Variants in TRAPPC9 observed in about 807,000 individuals in gnomAD.
The protein encoded by TRAPPC9 is IKK2 binding protein.
TRAPPC9 carries 83 observed loss-of-function variants against 124.0 expected under a neutral mutation model. The observed-to-expected ratio is 0.67, with a 90% CI of 0.56 to 0.80. TRAPPC9 has a LOEUF of 0.80. TRAPPC9 is among the 30% of genes least tolerant of loss of function. The probability of loss-of-function intolerance (pLI) is 0.00; values close to 1 mark genes in which losing one functional copy is unlikely to be tolerated. For synonymous variants in TRAPPC9, 638 were observed against 617.5 expected (o/e 1.03, Z -0.49); for missense variants, 1,302 against 1,508.3 (o/e 0.86, Z 2.27).
chr8:140,340,574 C>A (rs2067166275), intron 9 of TRAPPC9, among the ~76,000 whole-genome samples: 1 of 152,208 alleles, frequency 6.6e-6, no homozygotes, highest in African/African-American at 2.4e-5. Context: ...CTCCACCTAA[C>A]TAGGCACAAT....
Position 140,287,732 on chromosome 8 carries a change from C to T in TRAPPC9, c.1857G>A (p.Gly619=), listed in dbSNP as rs764879953. 5 of 1,614,156 alleles carry T rather than the reference C, an allele frequency of 3.1e-6. No individual in the cohort carries two copies. Among genetic ancestry groups the T allele is most frequent in the Non-Finnish European group, 4.2e-6 (5 of 1,180,034 alleles). The change falls in exon 13 of 23, where the codon GGG becomes GGA. Residue 619 remains glycine, a splice_region_variant and synonymous_variant. Transcript: ENST00000438773. ...CGAACTCCACTCCGCTGGTGAGCAG[C>T]CCCTAAACCAAGCGACGCAGCATCG... The part of the protein sequence containing the change: ...MPFELRVENM[G]LLTSGVEFES...
intron 21 of TRAPPC9, among the ~76,000 whole-genome samples, chr8:139,875,849 C>T (rs1486844966): frequency 1.3e-5 from 2 of 152,240 alleles, no homozygotes; most frequent in African/African-American, 4.8e-5. Flanking sequence ...TGGCCTGGAG[C>T]AGATGTTTGG....
chr8:139,766,312 G>T (rs1820582648), intron 21 of TRAPPC9, among the ~76,000 whole-genome samples: 1 of 152,184 alleles, frequency 6.6e-6, no homozygotes, highest in South Asian at 2.1e-4. Flanking sequence ...CCGTACTGGG[G>T]TCTGGCCATC....
intron 17 of TRAPPC9, among the ~76,000 whole-genome samples, chr8:140,046,075 AC>A (rs1427109945): frequency 5.3e-5 from 8 of 152,118 alleles, no homozygotes; most frequent in Admixed American, 4.6e-4. Flanking sequence ...ACAGCAAGCC[AC>A]CCTTCTCCCT....
intron 6 of TRAPPC9, among the ~76,000 whole-genome samples, chr8:140,399,148 T>C (rs759103288): frequency 1.3e-5 from 2 of 152,236 alleles, no homozygotes; most frequent in African/African-American, 2.4e-5. Context: ...AGGAGATGTA[T>C]GGAAACAGCT....
At chr8:139,774,917 A>G (rs1196891710) in intron 21 of TRAPPC9, among the ~76,000 whole-genome samples, 3 of 152,206 alleles carry the variant, frequency 2.0e-5, no homozygotes, top group Non-Finnish European at 4.4e-5. Flanking sequence ...CATCAACAGC[A>G]AAGTCTTCAA....
chr8:140,218,923 G>A (rs948257503), intron 17 of TRAPPC9, among the ~76,000 whole-genome samples: 1 of 151,992 alleles, frequency 6.6e-6, no homozygotes, highest in Non-Finnish European at 1.5e-5. Context: ...TCGCACCACT[G>A]CACTCCAGCC....
chr8:139,836,086 G>A (rs1404373147), intron 21 of TRAPPC9, among the ~76,000 whole-genome samples: 8 of 151,990 alleles, frequency 5.3e-5, no homozygotes, highest in African/African-American at 1.2e-4. Flanking sequence ...TCAGCGCAGC[G>A]CAGCCTCCAC....
chr8:139,960,740 A>T lies in TRAPPC9; in HGVS notation c.2810+27986T>A, dbSNP rs1191978918. 4.0e-5 allele frequency among the ~76,000 whole-genome samples: 5 copies of T among 124,230 alleles called. 1 individual carries two copies. Among genetic ancestry groups the T allele is most frequent in the Admixed American group, 8.4e-5 (1 of 11,848 alleles). 81.5% of individuals were successfully genotyped at this position (124,230 alleles called of 152,430 possible). A position where few individuals can be genotyped will look rare whatever the true frequency, so the allele number is the denominator to read the frequency against. ...GACGGTGACCATGTGGGGGACACCC[A>T]AGCACCCCACCTGGCCCTCAGGAAG... On this transcript the variant is annotated intron_variant, in intron 19 of 22. Coordinates refer to ENST00000438773, the MANE Select transcript of TRAPPC9 (RefSeq NM_001160372.4).
At chr8:139,966,746 A>G (rs1835732818) in intron 19 of TRAPPC9, among the ~76,000 whole-genome samples, 1 of 152,180 alleles carries the variant, frequency 6.6e-6, no homozygotes, top group Admixed American at 6.5e-5. Flanking sequence ...AACCCCAATG[A>G]AAAGAACAAC....
chr8:139,817,077 C>CACACACA (rs1824894516), intron 21 of TRAPPC9, among the ~76,000 whole-genome samples: 1 of 151,968 alleles, frequency 6.6e-6, no homozygotes, highest in Non-Finnish European at 1.5e-5. Context: ...CACACACACA[C>CACACACA]ACCAGCCACT....
At chr8:140,317,827 T>A (rs1422926446) in intron 9 of TRAPPC9, among the ~76,000 whole-genome samples, 1 of 152,178 alleles carries the variant, frequency 6.6e-6, no homozygotes, top group Non-Finnish European at 1.5e-5. Context: ...AACTTCATTA[T>A]TTTTTATCCA....
intron 7 of TRAPPC9, among the ~76,000 whole-genome samples, chr8:140,386,149 G>A (rs1258381419): frequency 6.6e-6 from 1 of 152,098 alleles, no homozygotes. Flanking sequence ...AATAAATTAG[G>A]TATTGATGGG....
At chr8:140,175,795 ATTCT>A (rs2062056573) in intron 17 of TRAPPC9, among the ~76,000 whole-genome samples, 1 of 152,238 alleles carries the variant, frequency 6.6e-6, no homozygotes, top group African/African-American at 2.4e-5. Flanking sequence ...TGCAGTGAGG[ATTCT>A]TTATTTGTGT....
chr8:139,942,218 T>C (rs906715849), intron 19 of TRAPPC9, among the ~76,000 whole-genome samples: 3 of 152,184 alleles, frequency 2.0e-5, no homozygotes, highest in African/African-American at 7.2e-5. Flanking sequence ...GCAAGGGTGA[T>C]GACATCTCCG....
chr8:139,957,237 C>G (rs1835048647), intron 19 of TRAPPC9, among the ~76,000 whole-genome samples: 1 of 152,218 alleles, frequency 6.6e-6, no homozygotes, highest in Non-Finnish European at 1.5e-5. Flanking sequence ...TGGGAGGGTG[C>G]CATGAGCAGG....
intron 7 of TRAPPC9, among the ~76,000 whole-genome samples, chr8:140,373,416 C>T (rs1008969153): frequency 1.3e-5 from 2 of 152,214 alleles, no homozygotes; most frequent in African/African-American, 4.8e-5. Context: ...TTTGGACACT[C>T]GGTTCCAATG....
chr8:140,334,543 G>A (rs1563953422), intron 9 of TRAPPC9, among the ~76,000 whole-genome samples: 1 of 151,972 alleles, frequency 6.6e-6, no homozygotes, highest in South Asian at 2.1e-4. Flanking sequence ...CCAGCTACTC[G>A]GGAGGCTGAG....
chr8:139,952,327 G>A (rs1351023450), intron 19 of TRAPPC9, among the ~76,000 whole-genome samples: 1 of 152,200 alleles, frequency 6.6e-6, no homozygotes, highest in Non-Finnish European at 1.5e-5. Flanking sequence ...TGTCACAGAA[G>A]AAGGGTCAGG....
Sources: gnomAD v4.1 joint callset for allele counts (sites outside exome capture counted in the v4.1 genomes callset) on GRCh38, gnomAD v4.1.1 for gene constraint, MANE v1.5 for transcripts, NCBI Gene and HGNC (gene_info 2026-07-23, HGNC 2026-07-21) for gene names.